Variants in LRRIQ3 observed in about 807,000 individuals in gnomAD.
LRRIQ3 encodes the protein leucine rich repeats and IQ motif containing 3, also known as leucine-rich repeat and IQ domain-containing protein 3.
Under a neutral mutation model 59.3 loss-of-function variants are expected in LRRIQ3, and 75 were observed. The ratio of observed to expected loss-of-function variants is 1.26; its 90% CI spans 1.05 to 1.53. The LOEUF (loss-of-function observed/expected upper bound fraction) is 1.53, where lower values mean the gene tolerates loss of function less well. Ranked by LOEUF, LRRIQ3 falls within the 40% of genes most tolerant of loss-of-function variation. The pLI is 0.00. For missense variants in LRRIQ3, 831 were observed against 710.0 expected, an observed-to-expected ratio of 1.17 and a Z score of -1.94; for synonymous variants, 250 against 231.3, an observed-to-expected ratio of 1.08 and a Z score of -0.73.
intron 1 of LRRIQ3, among the ~76,000 whole-genome samples, chr1:74,197,452 C>A (rs1459583912): frequency 6.6e-6 from 1 of 152,108 alleles, no homozygotes; most frequent in Non-Finnish European, 1.5e-5. Flanking sequence ...CAAGAAACCT[C>A]GTGTTCTATA....
intron 6 of LRRIQ3, among the ~76,000 whole-genome samples, chr1:74,073,854 T>C (rs1646165902): frequency 6.6e-6 from 1 of 152,154 alleles, no homozygotes; most frequent in African/African-American, 2.4e-5. Context: ...GATTTTATGA[T>C]TCTTCTGTGA....
At chr1:74,188,647 C>T (rs972498541) in intron 1 of LRRIQ3, among the ~76,000 whole-genome samples, 3 of 151,996 alleles carry the variant, frequency 2.0e-5, no homozygotes, top group African/African-American at 7.2e-5. Context: ...ATTATATGTA[C>T]CCTGTGAACA....
intron 7 of LRRIQ3, among the ~76,000 whole-genome samples, chr1:74,035,767 A>G (rs1410935268): frequency 6.6e-6 from 1 of 152,098 alleles, no homozygotes; most frequent in Admixed American, 6.6e-5. Flanking sequence ...AAGCAATTGC[A>G]CTGTCAACTA....
chr1:74,185,635 C>T (rs1650314811), intron 1 of LRRIQ3, among the ~76,000 whole-genome samples: 1 of 151,972 alleles, frequency 6.6e-6, no homozygotes, highest in Non-Finnish European at 1.5e-5. Flanking sequence ...ATTTTTAGCT[C>T]ATAAATGCAT....
intron 3 of LRRIQ3, among the ~76,000 whole-genome samples, chr1:74,175,112 T>TA (rs1252438691): frequency 2.0e-5 from 3 of 152,140 alleles, no homozygotes; most frequent in African/African-American, 7.2e-5. Context: ...GACTGGTGTC[T>TA]ATGGCTGGTG....
At chr1:74,124,798 C>T (rs540551854) in intron 4 of LRRIQ3, among the ~76,000 whole-genome samples, 22 of 151,760 alleles carry the variant, frequency 1.4e-4, no homozygotes, top group East Asian at 1.9e-4. Context: ...AATATGATTC[C>T]TCCTGTTTTG....
intron 3 of LRRIQ3, among the ~76,000 whole-genome samples, chr1:74,168,974 C>A (rs1211009738): frequency 1.3e-5 from 2 of 152,106 alleles, no homozygotes; most frequent in African/African-American, 4.8e-5. Context: ...TTTAAGTTTA[C>A]AATACATTAT....
At chr1:74,033,544 G>A (rs1216665830) in intron 7 of LRRIQ3, among the ~76,000 whole-genome samples, 1 of 151,834 alleles carries the variant, frequency 6.6e-6, no homozygotes, top group African/African-American at 2.4e-5. Context: ...TTAAGAGGTG[G>A]GGCAGTTCCA....
chr1:74,122,153 C>T (rs1057433476), intron 4 of LRRIQ3, among the ~76,000 whole-genome samples: 4 of 152,084 alleles, frequency 2.6e-5, no homozygotes, highest in African/African-American at 7.2e-5. Flanking sequence ...CCTGAGGAAT[C>T]GCCACACTGA....
intron 4 of LRRIQ3, among the ~76,000 whole-genome samples, chr1:74,153,843 G>T (rs1648136371): frequency 1.3e-5 from 2 of 152,112 alleles, no homozygotes; most frequent in African/African-American, 4.8e-5. Flanking sequence ...TTGTATTTTT[G>T]AAAGATTACT....
intron 3 of LRRIQ3, among the ~76,000 whole-genome samples, chr1:74,175,392 T>A (rs922977196): frequency 2.6e-5 from 4 of 152,106 alleles, no homozygotes; most frequent in African/African-American, 9.7e-5. Flanking sequence ...GTGCTAATTC[T>A]CCCATATTCT....
chr1:74,139,660 T>C (rs1383303652), intron 4 of LRRIQ3, among the ~76,000 whole-genome samples: 1 of 151,908 alleles, frequency 6.6e-6, no homozygotes, highest in Non-Finnish European at 1.5e-5. Flanking sequence ...TGTAATGGCT[T>C]GCCACTACTT....
intron 4 of LRRIQ3, among the ~76,000 whole-genome samples, chr1:74,112,425 A>G (rs1646709606): frequency 6.6e-6 from 1 of 152,172 alleles, no homozygotes; most frequent in Non-Finnish European, 1.5e-5. Context: ...TTTTCCAGAG[A>G]AAAACAGGAA....
intron 4 of LRRIQ3, among the ~76,000 whole-genome samples, chr1:74,132,220 A>T (rs1236959991): frequency 6.6e-6 from 1 of 152,166 alleles, no homozygotes; most frequent in African/African-American, 2.4e-5. Flanking sequence ...AATGAAATAA[A>T]AGAGGACACA....
intron 4 of LRRIQ3, among the ~76,000 whole-genome samples, chr1:74,122,005 C>T (rs563935286): frequency 5.9e-4 from 90 of 152,080 alleles, no homozygotes; most frequent in African/African-American, 2.1e-3. Context: ...TGACTTGGTT[C>T]CAAGTCTTTG....
intron 4 of LRRIQ3, among the ~76,000 whole-genome samples, chr1:74,126,237 C>T (rs906756088): frequency 2.6e-5 from 4 of 151,606 alleles, no homozygotes; most frequent in Admixed American, 1.3e-4. Flanking sequence ...TTTGGGTCTT[C>T]TCTCTTTTTT....
intron 4 of LRRIQ3, among the ~76,000 whole-genome samples, chr1:74,149,462 AGTT>A (rs1040610732): frequency 2.6e-5 from 4 of 152,132 alleles, no homozygotes. Flanking sequence ...TTTGATATAA[AGTT>A]GTTCTTATTC....
intron 6 of LRRIQ3, chr1:74,050,570 A>G: frequency 1.0e-6 from 1 of 985,414 alleles, no homozygotes; most frequent in Non-Finnish European, 1.2e-6. Flanking sequence ...TTTATGAACC[A>G]TCTGTGAAGA....
intron 3 of LRRIQ3, among the ~76,000 whole-genome samples, chr1:74,168,511 T>A (rs1270665540): frequency 6.6e-6 from 1 of 152,126 alleles, no homozygotes; most frequent in Non-Finnish European, 1.5e-5. Flanking sequence ...AACGCATAGC[T>A]GAATAAAGTT....
Sources: allele counts gnomAD v4.1 joint callset (sites outside exome capture counted in the v4.1 genomes callset), GRCh38; gene constraint gnomAD v4.1.1; transcripts MANE v1.5; gene names NCBI Gene and HGNC (gene_info 2026-07-23, HGNC 2026-07-21).